The following STPG2 variants were observed in gnomAD, a reference collection of about 807,000 sequenced individuals.
The protein encoded by STPG2 is sperm tail PG-rich repeat containing 2.
A neutral mutation model predicts 54.2 loss-of-function variants in STPG2; 56 were observed. The observed-to-expected ratio is 1.03, with a 90% CI of 0.83 to 1.29. The LOEUF (loss-of-function observed/expected upper bound fraction) is 1.29, where lower values mean the gene tolerates loss of function less well. Among genes scored for constraint, STPG2 ranks in the 50% most tolerant of loss-of-function variants. The pLI is 0.00. For missense variants in STPG2, 596 were observed against 544.9 expected (o/e 1.09, Z -0.93); for synonymous variants, 200 against 181.8 (o/e 1.10, Z -0.81).
At chr4:97,607,110 T>G (rs544967286) in intron 10 of STPG2, among the ~76,000 whole-genome samples, 6 of 152,198 alleles carry the variant, frequency 3.9e-5, no homozygotes, top group Admixed American at 2.0e-4. Context: ...AAAAAGGTAT[T>G]GATTTTGCCC....
chr4:97,909,044 A>AT (rs397757675), intron 8 of STPG2, among the ~76,000 whole-genome samples: 4 of 149,006 alleles, frequency 2.7e-5, no homozygotes, highest in Admixed American at 6.7e-5. Context: ...AATAATAATA[A>AT]GTTGTGGCAG....
intron 10 of STPG2, among the ~76,000 whole-genome samples, chr4:97,686,894 C>G (rs1452472871): frequency 1.3e-5 from 2 of 151,292 alleles, no homozygotes; most frequent in African/African-American, 2.4e-5. Flanking sequence ...TCTCAAATGA[C>G]ATAGCTAACA....
chr4:97,643,200 AT>A (rs1721813162), intron 10 of STPG2, among the ~76,000 whole-genome samples: 1 of 151,606 alleles, frequency 6.6e-6, no homozygotes, highest in Non-Finnish European at 1.5e-5. Context: ...TAATGGAAAA[AT>A]TTTTAAAAAG....
intron 4 of STPG2, among the ~76,000 whole-genome samples, chr4:97,446,111 T>A (rs977215032): frequency 1.3e-5 from 2 of 152,194 alleles, no homozygotes; most frequent in Non-Finnish European, 2.9e-5. Context: ...AAAGTCTACA[T>A]GCTAAAATAA....
intron 9 of STPG2, among the ~76,000 whole-genome samples, chr4:97,770,872 T>C (rs1051662666): frequency 6.6e-6 from 1 of 152,162 alleles, no homozygotes; most frequent in Non-Finnish European, 1.5e-5. Context: ...GGCAGTTGAT[T>C]TTTTAGAAGC....
At chr4:97,504,041 A>C (rs913726129) in intron 4 of STPG2, among the ~76,000 whole-genome samples, 5 of 144,878 alleles carry the variant, frequency 3.5e-5, no homozygotes, top group African/African-American at 1.2e-4. Flanking sequence ...TTTTTAATTT[A>C]TTTTTATTTA....
intron 10 of STPG2, among the ~76,000 whole-genome samples, chr4:97,638,463 G>T (rs1721639120): frequency 6.6e-6 from 1 of 152,114 alleles, no homozygotes; most frequent in South Asian, 2.1e-4. Flanking sequence ...AACACCAAAA[G>T]CTATGGCAAC....
intron 8 of STPG2, among the ~76,000 whole-genome samples, chr4:97,938,464 G>C (rs1732844206): frequency 1.7e-4 from 2 of 11,812 alleles, no homozygotes; most frequent in Non-Finnish European, 4.8e-4. Context: ...TAAGTCAGAA[G>C]GCTTAGACAG....
chr4:98,065,676 C>A (rs1396650911), intron 5 of STPG2, among the ~76,000 whole-genome samples: 1 of 152,150 alleles, frequency 6.6e-6, no homozygotes, highest in Admixed American at 6.5e-5. Context: ...ACTGCAACAA[C>A]CACCTTGCCA....
chr4:97,977,692 C>A (rs1734541916), intron 6 of STPG2, among the ~76,000 whole-genome samples: 2 of 152,102 alleles, frequency 1.3e-5, no homozygotes, highest in Non-Finnish European at 2.9e-5. Context: ...CAAGAAAGCA[C>A]CAGGGCTAGT....
chr4:97,939,432 T>C (rs1732891914), intron 8 of STPG2, among the ~76,000 whole-genome samples: 1 of 152,152 alleles, frequency 6.6e-6, no homozygotes, highest in Non-Finnish European at 1.5e-5. Flanking sequence ...TGTGTGGGAG[T>C]CTGTGTCTCT....
chr4:97,472,708 GC>G (rs1455828708), intron 4 of STPG2, among the ~76,000 whole-genome samples: 1 of 152,112 alleles, frequency 6.6e-6, no homozygotes, highest in Non-Finnish European at 1.5e-5. Flanking sequence ...ACAAGGAGGA[GC>G]CCTAAATGCA....
At chr4:98,038,291 G>T (rs1220638253) in intron 5 of STPG2, among the ~76,000 whole-genome samples, 4 of 152,022 alleles carry the variant, frequency 2.6e-5, no homozygotes, top group African/African-American at 4.8e-5. Context: ...GGCAGTATAG[G>T]GGATCTTAGT....
intron 10 of STPG2, among the ~76,000 whole-genome samples, chr4:97,574,285 A>G (rs1423376301): frequency 6.6e-6 from 1 of 152,110 alleles, no homozygotes; most frequent in Non-Finnish European, 1.5e-5. Context: ...TTCTTCCTTC[A>G]CTCATTGCAA....
At chr4:98,053,429 T>C (rs189676058) in intron 5 of STPG2, among the ~76,000 whole-genome samples, 159 of 152,276 alleles carry the variant, frequency 1.0e-3, no homozygotes, top group African/African-American at 3.7e-3. Context: ...TTTAATATTC[T>C]GGATTCTATA....
downstream of STPG2, among the ~76,000 whole-genome samples, chr4:97,558,301 A>G (rs1732129908): frequency 1.3e-5 from 2 of 152,188 alleles, 1 homozygote; most frequent in South Asian, 4.1e-4. Context: ...AATGGGGAGG[A>G]AACAGTGAAA....
chr4:97,838,790 T>C (rs1446497993), intron 9 of STPG2, among the ~76,000 whole-genome samples: 1 of 151,526 alleles, frequency 6.6e-6, no homozygotes, highest in African/African-American at 2.4e-5. Context: ...TACTACAATA[T>C]CTACATGTCA....
At chr4:97,922,358 T>A in intron 8 of STPG2, among the ~76,000 whole-genome samples, 1 of 152,224 alleles carries the variant, frequency 6.6e-6, no homozygotes, top group South Asian at 2.1e-4. Context: ...CAACCATAAA[T>A]TTAAAATGTA....
intron 8 of STPG2, among the ~76,000 whole-genome samples, chr4:97,928,043 A>T (rs185816059): frequency 6.6e-6 from 1 of 152,146 alleles, no homozygotes; most frequent in Non-Finnish European, 1.5e-5. Context: ...TCTTCCTTTC[A>T]ATCCTCTGGT....
Sources: allele counts gnomAD v4.1 joint callset (sites outside exome capture counted in the v4.1 genomes callset), GRCh38; gene constraint gnomAD v4.1.1; transcripts MANE v1.5; gene names NCBI Gene and HGNC (gene_info 2026-07-23, HGNC 2026-07-21).